C18orf54: variants seen among roughly 807,000 people sequenced by gnomAD.
C18orf54 encodes the protein chromosome 18 open reading frame 54.
A neutral mutation model predicts 49.3 loss-of-function variants in C18orf54; 49 were observed. The ratio of observed to expected loss-of-function variants is 0.99; its 90% confidence interval spans 0.79 to 1.26. C18orf54 has a LOEUF of 1.26. Among genes scored for constraint, C18orf54 ranks in the 50% most tolerant of loss-of-function variants. The probability of loss-of-function intolerance (pLI) is 0.00; values close to 1 mark genes in which losing one functional copy is unlikely to be tolerated. For synonymous variants in C18orf54, 211 were observed against 216.6 expected (o/e 0.97, Z 0.23); for missense variants, 687 against 620.6 (o/e 1.11, Z -1.14).
At chr18:54,364,340 C>T (rs1458539204) in intron 5 of C18orf54, among the ~76,000 whole-genome samples, 2 of 151,996 alleles carry the variant, frequency 1.3e-5, no homozygotes, top group East Asian at 3.8e-4. Flanking sequence ...ATTGAATGCA[C>T]TTAATGTATT....
intron 6 of C18orf54, among the ~76,000 whole-genome samples, chr18:54,366,775 A>G (rs1449617747): frequency 6.6e-6 from 1 of 151,222 alleles, no homozygotes; most frequent in Non-Finnish European, 1.5e-5. Flanking sequence ...TAATACTAAC[A>G]CTTTGGGTGG....
chr18:54,362,136 C>T lies in C18orf54; in HGVS notation c.777C>T (p.Phe259=). 1 of 1,536,468 alleles carries T rather than the reference C, an allele frequency of 6.5e-7. No individual in the cohort carries two copies. Among genetic ancestry groups the T allele is most frequent in the South Asian group, 1.2e-5 (1 of 84,064 alleles). The stretch of plus-strand genomic sequence containing the variant: ...CAGGGATAACTAGTATACCTGATTT[C>T]AAATACCCAGTCTGGCTGCACAATC... The part of the protein sequence containing the change: ...NVSGITSIPD[F]KYPVWLHNQD... The change falls in exon 4 of 9, where the codon TTC becomes TTT. Residue 259 remains phenylalanine (F), a synonymous_variant. Transcript: ENST00000620105.
At chr18:54,367,475 G>C (rs926485993) in intron 6 of C18orf54, among the ~76,000 whole-genome samples, 23 of 152,178 alleles carry the variant, frequency 1.5e-4, no homozygotes, top group African/African-American at 4.3e-4. Context: ...TTTCATTTCT[G>C]AAGGAAAGCT....
chr18:54,364,147 AT>A (rs935805491), intron 5 of C18orf54, among the ~76,000 whole-genome samples: 12 of 11,494 alleles, frequency 1.0e-3, no homozygotes, highest in African/African-American at 7.2e-3. Context: ...ATATATACAT[AT>A]TTTTTTTAAA....
In C18orf54 at chr18:54,362,203, A is replaced by G. The variant is rs1217362630; in HGVS notation, c.844A>G (p.Ile282Val). 6.5e-7 allele frequency: 1 copy of G among 1,536,266 alleles called. No homozygotes were observed. The highest frequency in any genetic ancestry group is 2.4e-5 in the East Asian group (1 of 40,908). Residue 282 changes from isoleucine (I) to valine (V), a missense_variant, in exon 4 of 9, where the codon ATA becomes GTA. Transcript: ENST00000620105. Reference sequence around the variant, plus strand: ...TGCAAATAGTCAAAGGGTTTATCAGATATTTAAAGATGATCAGTGTTCCCC... The same window carrying G: ...TGCAAATAGTCAAAGGGTTTATCAGGTATTTAAAGATGATCAGTGTTCCCC... ...PDANSQRVYQ[I>V]FKDDQCSPRH...
chr18:54,358,570 G>T (rs917973399), intron 1 of C18orf54: 3 of 152,272 alleles, frequency 2.0e-5, no homozygotes, highest in Non-Finnish European at 2.9e-5. Context: ...CAGGGCGCCC[G>T]GGGTAGGGGA....
In C18orf54 at chr18:54,372,740, T is replaced by G. The variant is rs564628546; in HGVS notation, c.1458+143T>G. The G allele has an allele frequency of 1.2e-4, 82 of 683,048 alleles. 1 individual carries two copies. The South Asian group carries it at 2.0e-3, about 17-fold the overall frequency. The allele number at this position is 683,048 out of a possible 1,614,324, so 42.3% of individuals were successfully genotyped here. A position where few individuals can be genotyped will look rare whatever the true frequency, so the allele number is the denominator to read the frequency against. ...GTTGTAAGTGGCAGTAGTTTTTTTT[T>G]GTTAGGAAGTAATGTACTCACGTTT... On this transcript the variant is annotated intron_variant, in intron 7 of 8. Coordinates refer to ENST00000620105, the MANE Select transcript of C18orf54 (RefSeq NM_001288980.2).
intron 5 of C18orf54, among the ~76,000 whole-genome samples, chr18:54,363,267 C>T: frequency 6.6e-6 from 1 of 152,006 alleles, no homozygotes. Context: ...AAAGCTTTTC[C>T]TCTGTTCCTC....
At chr18:54,378,143 T>C in intron 8 of C18orf54, 31 bp from the exon 9 acceptor site, 1 of 1,577,870 alleles carries the variant, frequency 6.3e-7, no homozygotes, top group Non-Finnish European at 8.7e-7. Flanking sequence ...TAATAACTGG[T>C]TTATAATGTG....
In C18orf54 at chr18:54,360,663, T is replaced by G; in HGVS notation, c.91T>G (p.Ser31Ala). Residue 31 changes from serine to alanine, a missense_variant, in exon 3 of 9, where the codon TCC becomes GCC. Transcript: ENST00000620105. ...LASCTLSGSN[S>A]SNSDGSFHYK... ...AAGCTGCACCCTGAGTGGTAGTAAT[T>G]CCTCTAATTCTGATGGCTCGTTTCA... The G allele has an allele frequency of 1.9e-6, 3 of 1,614,092 alleles. No homozygotes were observed. Among genetic ancestry groups the G allele is most frequent in the Non-Finnish European group, 2.5e-6 (3 of 1,179,950 alleles).
chr18:54,376,481 G>A (rs912965451), intron 8 of C18orf54, among the ~76,000 whole-genome samples: 5 of 151,050 alleles, frequency 3.3e-5, no homozygotes, highest in African/African-American at 1.2e-4. Context: ...TTACAGGCAC[G>A]TGCCACCATG....
chr18:54,359,343 A>C (rs1258031151), intron 2 of C18orf54, among the ~76,000 whole-genome samples: 3 of 152,238 alleles, frequency 2.0e-5, no homozygotes, highest in African/African-American at 7.2e-5. Context: ...CATTCGTCAG[A>C]GATATACCAG....
In C18orf54 at chr18:54,362,153, T is replaced by G. The variant is rs1467235078; in HGVS notation, c.794T>G (p.Leu265Arg). The change falls in exon 4 of 9, where the codon CTG becomes CGG. Residue 265 changes from leucine to arginine, a missense_variant. Transcript: ENST00000620105. ...CCTGATTTCAAATACCCAGTCTGGC[T>G]GCACAATCAAGACTTGCTACCTGAT... ...SIPDFKYPVW[L>R]HNQDLLPDAN... 7 of 1,536,306 alleles carry G rather than the reference T, an allele frequency of 4.6e-6. No homozygotes were observed. In the South Asian group the frequency reaches 8.3e-5, roughly 18 times the overall value.
At chr18:54,363,998 C>G (rs2089326957) in intron 5 of C18orf54, 1 of 152,030 alleles carries the variant, frequency 6.6e-6, no homozygotes, top group Non-Finnish European at 1.5e-5. Context: ...ATTAATTTGA[C>G]TAGAAAATGA....
rs562509651 is a variant in C18orf54, at chr18:54,363,326, T to TTC, written c.1223+405_1223+406insTC. Among the ~76,000 whole-genome samples the TTC allele has an allele frequency of 1.2e-3, 180 of 152,300 alleles. 2 individuals are homozygous for TTC. The highest frequency in any genetic ancestry group is 4.8e-3 in the East Asian group (25 of 5,188). On this transcript the variant is annotated intron_variant, in intron 5 of 8. Coordinates refer to ENST00000620105, the MANE Select transcript of C18orf54 (RefSeq NM_001288980.2). ...TTGTACATTTCTTTTTCTTTTCTTT[T>TTC]CTTTTTTTTGAGATGGAGTCTTGCT...
Position 54,381,292 on chromosome 18 carries a change from C to T in C18orf54, c.*3046C>T, listed in dbSNP as rs1220112502. On this transcript the variant is annotated 3_prime_UTR_variant, in exon 9 of 9. Coordinates refer to ENST00000620105, the MANE Select transcript of C18orf54 (RefSeq NM_001288980.2). ...AAAAAATCTTAGCTTTTCATCCTCC[C>T]AGTGTATTCTGCATTGTCCTTACCC... 1.3e-5 allele frequency: 2 copies of T among 151,344 alleles called. No individual in the cohort carries two copies. The highest frequency in any genetic ancestry group is 2.9e-5 in the Non-Finnish European group (2 of 67,884). The allele number at this position is 151,344 out of a possible 1,614,324, so 9.4% of individuals were successfully genotyped here.
chr18:54,359,232 G>A (rs1000992086), intron 2 of C18orf54, among the ~76,000 whole-genome samples: 1 of 152,214 alleles, frequency 6.6e-6, no homozygotes, highest in Non-Finnish European at 1.5e-5. Flanking sequence ...TTCAAAGACA[G>A]AAAACATTTG....
chr18:54,380,384 GA>G lies in C18orf54; in HGVS notation c.*2144del, dbSNP rs1475505739. 6.6e-6 allele frequency: 1 copy of G among 151,768 alleles called. No homozygotes were observed. The highest frequency in any genetic ancestry group is 2.4e-5 in the African/African-American group (1 of 41,354). 9.4% of individuals were successfully genotyped at this position (151,768 alleles called of 1,614,324 possible). ...AGACATATTGAGAAAATGTTAAATAGAAAAAATTAAGAAATTTTAATAAGAT... is the reference window on the plus strand; with the variant it reads ...AGACATATTGAGAAAATGTTAAATAGAAAAATTAAGAAATTTTAATAAGAT... On this transcript the variant is annotated 3_prime_UTR_variant, in exon 9 of 9. Transcript: ENST00000620105.
chr18:54,361,668 G>C lies in C18orf54; in HGVS notation c.309G>C (p.Lys103Asn). Residue 103 changes from lysine to asparagine, a missense_variant, in exon 4 of 9, where the codon AAG (lysine) becomes AAC (asparagine). Lys to Asn is a moderately conservative substitution (Grantham distance 94, BLOSUM62 0). Coordinates refer to ENST00000620105, the MANE Select transcript of C18orf54 (RefSeq NM_001288980.2). The stretch of plus-strand genomic sequence containing the variant: ...CTTTTGAAAACCTTGATCACAAAAA[G>C]CACTCAAACTTCATATCCTGTAGAA... ...NNAFENLDHK[K>N]HSNFISCRRH... 1 of 1,591,872 alleles carries C rather than the reference G, an allele frequency of 6.3e-7. No individual in the cohort carries two copies. Among genetic ancestry groups the C allele is most frequent in the Non-Finnish European group, 8.5e-7 (1 of 1,171,530 alleles).
Sources: gnomAD v4.1 joint callset for allele counts (sites outside exome capture counted in the v4.1 genomes callset) on GRCh38, gnomAD v4.1.1 for gene constraint, MANE v1.5 for transcripts, NCBI Gene and HGNC (gene_info 2026-07-23, HGNC 2026-07-21) for gene names.